The following GAS2 variants were observed in gnomAD, a reference collection of about 807,000 sequenced individuals.
GAS2 encodes growth arrest specific 2, also known as growth arrest-specific protein 2.
GAS2 carries 20 observed loss-of-function variants against 37.5 expected under a neutral mutation model. The ratio of observed to expected loss-of-function variants is 0.53; its 90% CI spans 0.37 to 0.77. GAS2 has a LOEUF of 0.77. GAS2 is among the 30% of genes least tolerant of loss of function. The pLI is 0.00. For synonymous variants in GAS2, 144 were observed against 132.2 expected, an observed-to-expected ratio of 1.09 and a Z score of -0.61; for missense variants, 336 against 373.4, an observed-to-expected ratio of 0.90 and a Z score of 0.82.
At chr11:22,720,193 G>A (rs916687548) in intron 3 of GAS2, among the ~76,000 whole-genome samples, 1 of 151,906 alleles carries the variant, frequency 6.6e-6, no homozygotes, top group African/African-American at 2.4e-5. Flanking sequence ...ATATTCCTAT[G>A]GCATTACAGC....
chr11:22,768,307 C>T (rs376476997), intron 7 of GAS2, among the ~76,000 whole-genome samples: 136 of 152,278 alleles, frequency 8.9e-4, no homozygotes, highest in African/African-American at 2.6e-3. Context: ...AAAGCCCTGG[C>T]AAGGTATTTA....
At chr11:22,723,309 C>G (rs1373217095) in intron 3 of GAS2, among the ~76,000 whole-genome samples, 1 of 151,854 alleles carries the variant, frequency 6.6e-6, no homozygotes, top group East Asian at 1.9e-4. Flanking sequence ...CTTAAAATGA[C>G]TTACCTGTCT....
intron 7 of GAS2, among the ~76,000 whole-genome samples, chr11:22,766,044 A>C (rs1277806994): frequency 2.0e-5 from 3 of 152,186 alleles, no homozygotes; most frequent in Non-Finnish European, 4.4e-5. Context: ...CTTATCACCA[A>C]AGGGATGGCC....
At chr11:22,793,370 TTTCTTCTATG>T (rs1269816508) in intron 7 of GAS2, among the ~76,000 whole-genome samples, 1 of 152,206 alleles carries the variant, frequency 6.6e-6, no homozygotes, top group African/African-American at 2.4e-5. Flanking sequence ...GGTTTATAAT[TTTCTTCTATG>T]TTCATTAACT....
At chr11:22,733,962 T>G (rs866913348) in intron 4 of GAS2, among the ~76,000 whole-genome samples, 11 of 151,810 alleles carry the variant, frequency 7.2e-5, no homozygotes, top group Middle Eastern at 6.8e-3. Flanking sequence ...GTGGGGAAAA[T>G]GTCTCCTACT....
Position 22,658,249 on chromosome 11 carries a change from G to A in GAS2, c.-20-16601G>A, listed in dbSNP as rs577399202. 2.2e-3 allele frequency among the ~76,000 whole-genome samples: 327 copies of A among 152,080 alleles called. 4 individuals carry two copies. Among genetic ancestry groups the A allele is most frequent in the Non-Finnish European group, 3.8e-3 (259 of 67,988 alleles). On this transcript the variant is annotated intron_variant, in intron 1 of 5. Transcript: ENST00000528582. The stretch of plus-strand genomic sequence containing the variant: ...TCACCATGTTGGCCAGGCTGGTCTC[G>A]AATTCCTGACCTCAGATGATCTGCC...
chr11:22,757,579 G>A (rs1373723987), intron 7 of GAS2, among the ~76,000 whole-genome samples: 1 of 152,124 alleles, frequency 6.6e-6, no homozygotes, highest in African/African-American at 2.4e-5. Flanking sequence ...GCAAGTAATG[G>A]CATCATGCTA....
intron 3 of GAS2, among the ~76,000 whole-genome samples, chr11:22,705,650 A>G (rs143212926): frequency 7.9e-5 from 12 of 152,336 alleles, no homozygotes; most frequent in African/African-American, 2.2e-4. Context: ...ATACATTACA[A>G]TGAAAACATT....
Position 22,737,779 on chromosome 11 carries a change from C to G in GAS2, c.473+11C>G. The G allele has an allele frequency of 6.2e-7, 1 of 1,612,530 alleles. No homozygotes were observed. The highest frequency in any genetic ancestry group is 1.7e-5 in the Admixed American group (1 of 60,018). On this transcript the variant is annotated intron_variant, in intron 5 of 7. Coordinates refer to ENST00000454584, the MANE Select transcript of GAS2 (RefSeq NM_001143830.3). ...CCGGATTGCAGCCAGGTAGGTCAAA[C>G]CACTGCAACTATGTCAAGACATTGA...
At chr11:22,652,457 A>G (rs1217560927) in intron 1 of GAS2, among the ~76,000 whole-genome samples, 1 of 152,166 alleles carries the variant, frequency 6.6e-6, no homozygotes, top group Non-Finnish European at 1.5e-5. Flanking sequence ...ATCCAGTTAG[A>G]GCTTCCCGGC....
At chr11:22,746,979 G>T (rs1414540674) in intron 5 of GAS2, among the ~76,000 whole-genome samples, 1 of 152,022 alleles carries the variant, frequency 6.6e-6, no homozygotes, top group Non-Finnish European at 1.5e-5. Context: ...CAAGAGCAAG[G>T]TAACCAGATG....
chr11:22,667,556 G>A (rs978301140), intron 1 of GAS2, among the ~76,000 whole-genome samples: 4 of 152,168 alleles, frequency 2.6e-5, no homozygotes, highest in Non-Finnish European at 4.4e-5. Context: ...TTTTTGTTCA[G>A]TCCAAAGTTG....
At position 22,656,534 on chromosome 11, in the gene GAS2, A is replaced by G. The variant is rs1041348896; in HGVS notation, c.-20-18316A>G. ...GTACAATGCATAATCCAAGTAAACT[A>G]TAAAGAATTACTGGAGCTTAAGAAA... On this transcript the variant is annotated intron_variant, in intron 1 of 5. Transcript: ENST00000528582. Among the ~76,000 whole-genome samples the G allele has an allele frequency of 1.3e-4, 20 of 152,252 alleles. 1 individual carries two copies. Among genetic ancestry groups the G allele is most frequent in the Admixed American group, 1.1e-3 (17 of 15,284 alleles).
chr11:22,710,187 A>C (rs1044395550), intron 3 of GAS2, among the ~76,000 whole-genome samples: 1 of 152,018 alleles, frequency 6.6e-6, no homozygotes, highest in Non-Finnish European at 1.5e-5. Flanking sequence ...GGAAAAAACA[A>C]ACAAACAAAC....
chr11:22,705,992 G>A (rs913659170), intron 3 of GAS2, among the ~76,000 whole-genome samples: 24 of 152,166 alleles, frequency 1.6e-4, no homozygotes, highest in Admixed American at 1.2e-3. Flanking sequence ...CAGATGTAAA[G>A]GTGCATGATG....
At chr11:22,634,922 T>C (rs769467507) in intron 1 of GAS2, among the ~76,000 whole-genome samples, 2 of 152,202 alleles carry the variant, frequency 1.3e-5, no homozygotes, top group Non-Finnish European at 2.9e-5. Flanking sequence ...ACTCAAGACC[T>C]CCTGGTTAGC....
chr11:22,740,492 A>G (rs552500456), intron 5 of GAS2, among the ~76,000 whole-genome samples: 30 of 152,324 alleles, frequency 2.0e-4, no homozygotes, highest in Admixed American at 3.3e-4. Context: ...TAAATTATTC[A>G]TGGTGCTACT....
chr11:22,779,868 A>C (rs187704966), intron 7 of GAS2, among the ~76,000 whole-genome samples: 1 of 152,076 alleles, frequency 6.6e-6, no homozygotes, highest in East Asian at 1.9e-4. Context: ...TTCCTCCCCA[A>C]ATTAGGCCAC....
chr11:22,763,521 G>T (rs1854508568), intron 7 of GAS2, among the ~76,000 whole-genome samples: 1 of 151,752 alleles, frequency 6.6e-6, no homozygotes, highest in South Asian at 2.1e-4. Flanking sequence ...AACTAGCAAA[G>T]AAGTTAAAAC....
Sources: allele counts gnomAD v4.1 joint callset (sites outside exome capture counted in the v4.1 genomes callset), GRCh38; gene constraint gnomAD v4.1.1; transcripts MANE v1.5; gene names NCBI Gene and HGNC (gene_info 2026-07-23, HGNC 2026-07-21).